Variants in CNTN6 observed in about 807,000 individuals in gnomAD.
CNTN6 encodes the protein contactin-6.
CNTN6 carries 137 observed loss-of-function variants against 122.8 expected under a neutral mutation model. The ratio of observed to expected loss-of-function variants is 1.12; its 90% CI spans 0.97 to 1.29. The LOEUF (loss-of-function observed/expected upper bound fraction) is 1.29, where lower values mean the gene tolerates loss of function less well. CNTN6 is among the 50% of genes most tolerant of loss of function. The pLI is 0.00. For synonymous variants in CNTN6, 570 were observed against 426.0 expected (o/e 1.34, Z -4.16); for missense variants, 1,634 against 1,223.4 (o/e 1.34, Z -5.01).
chr3:1,114,663 T>C (rs940747362), intron 1 of CNTN6, among the ~76,000 whole-genome samples: 1 of 152,138 alleles, frequency 6.6e-6, no homozygotes. Flanking sequence ...CAAAAGATAA[T>C]TATTGATGAT....
intron 1 of CNTN6, among the ~76,000 whole-genome samples, chr3:1,126,589 G>C (rs2092169473): frequency 6.6e-6 from 1 of 151,808 alleles, no homozygotes. Flanking sequence ...TTTAGAATAA[G>C]AGCTCCATCA....
At chr3:1,332,355 T>C (rs2126007534) in intron 11 of CNTN6, among the ~76,000 whole-genome samples, 1 of 152,118 alleles carries the variant, frequency 6.6e-6, no homozygotes, top group East Asian at 1.9e-4. Context: ...GGCTTCAAGC[T>C]GTTTGTTGAG....
At position 1,321,852 on chromosome 3, in the gene CNTN6, C is replaced by G; in HGVS notation, c.946+18C>G. Reference sequence around the variant, plus strand: ...TTTTTATGGTGAGCTAATTGGATTTCAAATATATATAAAATATTTGGTAAT... The same window carrying G: ...TTTTTATGGTGAGCTAATTGGATTTGAAATATATATAAAATATTTGGTAAT... On this transcript the variant is annotated intron_variant, in intron 8 of 22. Transcript: ENST00000446702. 1 of 1,573,550 alleles carries G rather than the reference C, an allele frequency of 6.4e-7. No homozygotes were observed. Among genetic ancestry groups the G allele is most frequent in the Non-Finnish European group, 8.6e-7 (1 of 1,158,566 alleles).
At chr3:1,383,230 C>T (rs897576934) in intron 18 of CNTN6, 54 bp downstream of exon 18, 3 of 1,592,402 alleles carry the variant, frequency 1.9e-6, no homozygotes, top group African/African-American at 1.3e-5. Flanking sequence ...AGTTTGTGTT[C>T]CCTTGTTCCA....
At position 1,295,864 on chromosome 3, in the gene CNTN6, A is replaced by T. The variant is rs78477407; in HGVS notation, c.658+60A>T. ...TCTTTGGCCCTTAAAGCCTGGGAAGATTCGTAAAGCTTTCTGCTTCCTTCT... is the reference window on the plus strand; with the variant it reads ...TCTTTGGCCCTTAAAGCCTGGGAAGTTTCGTAAAGCTTTCTGCTTCCTTCT... On this transcript the variant is annotated intron_variant, in intron 6 of 22. Coordinates refer to ENST00000446702, the MANE Select transcript of CNTN6 (RefSeq NM_001289080.2). The T allele has an allele frequency of 3.5e-4, 511 of 1,471,196 alleles. No individual in the cohort carries two copies. The Middle Eastern group carries it at 0.014, about 39-fold the overall frequency. The allele number at this position is 1,471,196 out of a possible 1,614,324, so 91.1% of individuals were successfully genotyped here. A position where few individuals can be genotyped will look rare whatever the true frequency, so the allele number is the denominator to read the frequency against.
chr3:1,320,814 T>A (rs1328043554), intron 7 of CNTN6, among the ~76,000 whole-genome samples: 1 of 151,666 alleles, frequency 6.6e-6, no homozygotes, highest in Non-Finnish European at 1.5e-5. Flanking sequence ...TCTAAATTCA[T>A]CCCTTATTGT....
intron 2 of CNTN6, among the ~76,000 whole-genome samples, chr3:1,202,409 G>C (rs976190153): frequency 1.7e-5 from 2 of 119,392 alleles, no homozygotes; most frequent in Admixed American, 1.5e-4. Context: ...GCGTGGTGGC[G>C]GGCGCCTGTA....
intron 5 of CNTN6, among the ~76,000 whole-genome samples, chr3:1,285,341 G>A (rs1248772082): frequency 6.6e-6 from 1 of 152,156 alleles, no homozygotes; most frequent in African/African-American, 2.4e-5. Context: ...TGAAGGGATA[G>A]CAGGTTTAAG....
At chr3:1,396,010 G>C (rs1560036117) in intron 20 of CNTN6, among the ~76,000 whole-genome samples, 1 of 152,038 alleles carries the variant, frequency 6.6e-6, no homozygotes, top group Non-Finnish European at 1.5e-5. Context: ...CTCCCTGACT[G>C]TCAAATCCTC....
At chr3:1,295,292 T>G (rs562210785) in intron 5 of CNTN6, among the ~76,000 whole-genome samples, 1 of 152,334 alleles carries the variant, frequency 6.6e-6, no homozygotes, top group Admixed American at 6.5e-5. Context: ...GAACAGTTAT[T>G]ATTTTATACG....
intron 20 of CNTN6, among the ~76,000 whole-genome samples, chr3:1,390,106 G>C (rs1369525191): frequency 1.1e-4 from 16 of 151,000 alleles, no homozygotes; most frequent in South Asian, 4.2e-4. Context: ...ACAGAATATA[G>C]ATTTTTTTCA....
intron 2 of CNTN6, among the ~76,000 whole-genome samples, chr3:1,184,998 A>C (rs2093609055): frequency 2.0e-5 from 3 of 152,148 alleles, no homozygotes; most frequent in Admixed American, 2.0e-4. Context: ...TACACTTGGT[A>C]GGCATTAGAG....
chr3:1,287,851 TCTC>T (rs944380763), intron 5 of CNTN6, among the ~76,000 whole-genome samples: 2 of 152,098 alleles, frequency 1.3e-5, no homozygotes, highest in African/African-American at 4.8e-5. Flanking sequence ...TCCTGGGAAT[TCTC>T]CTCCTCTTTC....
chr3:1,170,518 A>G (rs2093341875), intron 2 of CNTN6, among the ~76,000 whole-genome samples: 1 of 152,190 alleles, frequency 6.6e-6, no homozygotes, highest in Non-Finnish European at 1.5e-5. Flanking sequence ...AAAAGAACTG[A>G]TATCCCAGGA....
At chr3:1,266,012 T>G (rs1253499218) in intron 4 of CNTN6, among the ~76,000 whole-genome samples, 1 of 151,396 alleles carries the variant, frequency 6.6e-6, no homozygotes, top group African/African-American at 2.5e-5. Flanking sequence ...TTATATAAAG[T>G]TAAAGGTGTT....
At position 1,339,327 on chromosome 3, in the gene CNTN6, G is replaced by C. The variant is rs975193894; in HGVS notation, c.1364+9392G>C. On this transcript the variant is annotated intron_variant, in intron 11 of 22. Coordinates refer to ENST00000446702, the MANE Select transcript of CNTN6 (RefSeq NM_001289080.2). ...AGCATAGTTTGAGGACTACTAATTT[G>C]TAGTGACAAATCTGATTCTCAAGTG... is the stretch of plus-strand genomic sequence containing the variant. Among the ~76,000 whole-genome samples, 4 of 152,210 alleles carry C rather than the reference G, an allele frequency of 2.6e-5. No homozygotes were observed. The East Asian group carries it at 7.7e-4, about 29-fold the overall frequency.
chr3:1,348,911 C>T (rs1421215594), intron 11 of CNTN6, among the ~76,000 whole-genome samples: 2 of 151,900 alleles, frequency 1.3e-5, no homozygotes, highest in Non-Finnish European at 2.9e-5. Context: ...GAACCAGCTC[C>T]CTATAATATG....
rs150280571 is a variant in CNTN6 at position 1,233,333 on chromosome 3, G to A, written c.358+5340G>A. Among the ~76,000 whole-genome samples the A allele has an allele frequency of 8.2e-3, 1,243 of 152,272 alleles. 7 individuals carry two copies. The highest frequency in any genetic ancestry group is 0.012 in the Non-Finnish European group (834 of 68,016). On this transcript the variant is annotated intron_variant, in intron 4 of 22. Transcript: ENST00000446702. The stretch of plus-strand genomic sequence containing the variant: ...TGAGTTGAAGATGGTGAGCTAGGCA[G>A]GGGTCTGGCCATACAAATACTAAGA...
chr3:1,180,231 G>A (rs58873025), intron 2 of CNTN6, among the ~76,000 whole-genome samples: 19,313 of 152,036 alleles, frequency 0.13, 1,824 homozygotes, highest in East Asian at 0.43. Context: ...GAGAGACAGT[G>A]AGAGAAAGAT....
Sources: gnomAD v4.1 joint callset for allele counts (sites outside exome capture counted in the v4.1 genomes callset) on GRCh38, gnomAD v4.1.1 for gene constraint, MANE v1.5 for transcripts, NCBI Gene and HGNC (gene_info 2026-07-23, HGNC 2026-07-21) for gene names.